Variants in ZKSCAN2 observed in about 807,000 individuals in gnomAD.
ZKSCAN2 encodes zinc finger with KRAB and SCAN domains 2.
A neutral mutation model predicts 90.5 loss-of-function variants in ZKSCAN2; 38 were observed. The observed-to-expected ratio is 0.42, with a 90% CI of 0.32 to 0.55. The LOEUF is 0.55. ZKSCAN2 is among the 20% of genes least tolerant of loss of function. ZKSCAN2 has a pLI of 0.11. For synonymous variants in ZKSCAN2, 429 were observed against 421.6 expected (o/e 1.02, Z -0.22); for missense variants, 1,167 against 1,202.6 (o/e 0.97, Z 0.44).
intron 6 of ZKSCAN2, among the ~76,000 whole-genome samples, chr16:25,243,337 T>C (rs1271296237): frequency 6.6e-6 from 1 of 152,116 alleles, no homozygotes; most frequent in Non-Finnish European, 1.5e-5. Flanking sequence ...ACAGGAACTT[T>C]GTTTTTTTCA....
chr16:25,253,157 T>C, intron 2 of ZKSCAN2, 120 bp from the exon 3 acceptor site: 5 of 809,850 alleles, frequency 6.2e-6, no homozygotes, highest in South Asian at 1.5e-5. Flanking sequence ...CACCATTTTA[T>C]CTGTGAGTTC....
intron 4 of ZKSCAN2, among the ~76,000 whole-genome samples, chr16:25,249,214 A>C (rs1962982403): frequency 6.6e-6 from 1 of 152,230 alleles, no homozygotes; most frequent in African/African-American, 2.4e-5. Context: ...AACTTTAGTA[A>C]TCTATTATAT....
chr16:25,254,303 G>A (rs1963062891), intron 2 of ZKSCAN2, among the ~76,000 whole-genome samples: 1 of 152,238 alleles, frequency 6.6e-6, no homozygotes, highest in Non-Finnish European at 1.5e-5. Context: ...CACACTTCAG[G>A]AGATGGAGAG....
chr16:25,242,176 CT>C (rs1034637641), intron 6 of ZKSCAN2, among the ~76,000 whole-genome samples: 6 of 152,154 alleles, frequency 3.9e-5, no homozygotes, highest in African/African-American at 1.4e-4. Context: ...GTCAGTACTT[CT>C]TTTGAAGTTT....
chr16:25,247,235 C>T lies in ZKSCAN2; in HGVS notation c.961G>A (p.Ala321Thr), dbSNP rs372123893. The part of the protein sequence containing the change: ...VHAIQVPARS[A>T]GKTWREQQQW... ...TGCTGCTCTCTCCATGTTTTTCCTGCACTCCTTGCAGGGACCTGAATAGCA... is the reference window on the plus strand; with the variant it reads ...TGCTGCTCTCTCCATGTTTTTCCTGTACTCCTTGCAGGGACCTGAATAGCA... Residue 321 changes from alanine (A) to threonine (T), a missense_variant, in exon 5 of 7, where the codon GCA becomes ACA. Coordinates refer to ENST00000328086, the MANE Select transcript of ZKSCAN2 (RefSeq NM_001012981.5). The T allele has an allele frequency of 6.8e-5, 109 of 1,614,086 alleles. No homozygotes were observed. The highest frequency in any genetic ancestry group is 9.1e-5 in the Non-Finnish European group (107 of 1,180,036).
chr16:25,240,048 T>C lies in ZKSCAN2; in HGVS notation c.2672A>G (p.Asp891Gly). The C allele has an allele frequency of 6.2e-7, 1 of 1,614,106 alleles. No homozygotes were observed. The highest frequency in any genetic ancestry group is 8.5e-7 in the Non-Finnish European group (1 of 1,180,002). ...ACAGTTATTGAAACTTTTTTCACAG[T>C]CCACACATTTGTAGGGATTCTCCCC... ...HTGENPYKCVDCEKSFNNCTR... is the reference protein window; with the variant it reads ...HTGENPYKCVGCEKSFNNCTR... Residue 891 changes from aspartate (D) to glycine (G), a missense_variant, in exon 7 of 7, where the codon GAC (aspartate) becomes GGC (glycine). Physicochemically the swap from Asp to Gly is moderately conservative, Grantham distance 94. Coordinates refer to ENST00000328086, the MANE Select transcript of ZKSCAN2 (RefSeq NM_001012981.5).
chr16:25,256,926 C>T lies in ZKSCAN2; in HGVS notation c.202G>A (p.Glu68Lys). Residue 68 changes from glutamate to lysine, a missense_variant, in exon 1 of 7, where the codon GAA (glutamate) becomes AAA (lysine). Physicochemically the swap from Glu to Lys is moderately conservative, Grantham distance 56. Coordinates refer to ENST00000328086, the MANE Select transcript of ZKSCAN2 (RefSeq NM_001012981.5). The stretch of plus-strand genomic sequence containing the variant: ...GGCTTCAGCCACCGGCAGCAAAGTT[C>T]CCAGAGTTTACTGAAAGCTTCATGG... The part of the protein sequence containing the change: ...GPHEAFSKLW[E>K]LCCRWLKPEM... 6.2e-7 allele frequency: 1 copy of T among 1,614,232 alleles called. No homozygotes were observed.
intron 4 of ZKSCAN2, among the ~76,000 whole-genome samples, chr16:25,249,770 A>G (rs866083496): frequency 3.0e-4 from 46 of 152,232 alleles, no homozygotes; most frequent in African/African-American, 9.9e-4. Flanking sequence ...AGGTACAGCC[A>G]TTATGGAAAA....
At chr16:25,253,095 G>T in intron 2 of ZKSCAN2, 58 bp from the exon 3 acceptor site, 2 of 1,324,434 alleles carry the variant, frequency 1.5e-6, no homozygotes, top group Non-Finnish European at 2.2e-6. Flanking sequence ...AATTCATGCT[G>T]TCTCTCTTTT....
In ZKSCAN2 at chr16:25,256,776, C is replaced by A. The variant is rs746389645; in HGVS notation, c.352G>T (p.Ala118Ser). ...QCPQSGEEAV[A>S]LVVHLEKETG... The stretch of plus-strand genomic sequence containing the variant: ...TCTTTCTCCAAATGCACTACCAGGG[C>A]CACCGCTTCCTCTCCACTTTGCGGA... The change falls in exon 1 of 7, where the codon GCC becomes TCC. Residue 118 changes from alanine to serine, a missense_variant. Ala to Ser is a moderately conservative substitution (Grantham distance 99). Transcript: ENST00000328086. The A allele has an allele frequency of 8.7e-6, 14 of 1,614,138 alleles. No homozygotes were observed. Among genetic ancestry groups the A allele is most frequent in the Non-Finnish European group, 1.2e-5 (14 of 1,180,006 alleles).
At chr16:25,253,106 T>G in intron 2 of ZKSCAN2, 69 bp from the exon 3 acceptor site, 1 of 1,205,088 alleles carries the variant, frequency 8.3e-7, no homozygotes, top group Non-Finnish European at 1.2e-6. Flanking sequence ...TCTCTCTTTT[T>G]AAGAGATGAG....
Position 25,240,075 on chromosome 16 carries a change from G to T in ZKSCAN2, c.2645C>A (p.Thr882Asn). 6.2e-7 allele frequency: 1 copy of T among 1,614,032 alleles called. No individual in the cohort carries two copies. The highest frequency in any genetic ancestry group is 1.1e-5 in the South Asian group (1 of 91,074). ...SHFSAHRRVH[T>N]GENPYKCVDC... Reference sequence around the variant, plus strand: ...CACACATTTGTAGGGATTCTCCCCAGTGTGAACTCTCCGGTGGGCGCTGAA... The same window carrying T: ...CACACATTTGTAGGGATTCTCCCCATTGTGAACTCTCCGGTGGGCGCTGAA... Residue 882 changes from threonine (T) to asparagine (N), a missense_variant, in exon 7 of 7, where the codon ACT becomes AAT. Transcript: ENST00000328086.
rs753709533 is a variant in ZKSCAN2 at position 25,244,133 on chromosome 16, G to A, written c.1633C>T (p.Arg545Trp). The A allele has an allele frequency of 6.2e-7, 1 of 1,614,130 alleles. No individual in the cohort carries two copies. The highest frequency in any genetic ancestry group is 8.5e-7 in the Non-Finnish European group (1 of 1,180,022). ...AEQLRECGFLRTPEQCRTKFK... is the reference protein window; with the variant it reads ...AEQLRECGFLWTPEQCRTKFK... ...TTGGTTCGGCACTGTTCTGGTGTCC[G>A]GAGGAAGCCGCACTCTCGAAGCTGT... Residue 545 changes from arginine (R) to tryptophan (W), a missense_variant, in exon 6 of 7, where the codon CGG becomes TGG. Arg to Trp is a moderately radical substitution (Grantham distance 101). Transcript: ENST00000328086.
rs1250798140 is a variant in ZKSCAN2, at chr16:25,257,563, C to T, written c.-436G>A. 1 of 963,628 alleles carries T rather than the reference C, an allele frequency of 1.0e-6. No individual in the cohort carries two copies. The highest frequency in any genetic ancestry group is 1.2e-6 in the Non-Finnish European group (1 of 809,944). 59.7% of individuals were successfully genotyped at this position (963,628 alleles called of 1,614,324 possible). A position where few individuals can be genotyped will look rare whatever the true frequency, so the allele number is the denominator to read the frequency against. On this transcript the variant is annotated 5_prime_UTR_variant, in exon 1 of 7. Transcript: ENST00000328086. The stretch of plus-strand genomic sequence containing the variant: ...GAGTGGGTGGGGCCGGATGTGCAGG[C>T]CCCGCCCGGCGCCAGGTTCCGGGCT...
Position 25,236,511 on chromosome 16 carries a change from G to C in ZKSCAN2, c.*3305C>G, listed in dbSNP as rs940927892. The C allele has an allele frequency of 3.3e-5, 5 of 152,218 alleles. No individual in the cohort carries two copies. Among genetic ancestry groups the C allele is most frequent in the African/African-American group, 9.6e-5 (4 of 41,460 alleles). 9.4% of individuals were successfully genotyped at this position (152,218 alleles called of 1,614,324 possible). ...CGCTCCACAGCCTCATGAAACATTA[G>C]AGCCAGAGCAACTTAGCAGTTAAGT... is the stretch of plus-strand genomic sequence containing the variant. On this transcript the variant is annotated 3_prime_UTR_variant, in exon 7 of 7. Coordinates refer to ENST00000328086, the MANE Select transcript of ZKSCAN2 (RefSeq NM_001012981.5).
At position 25,256,771 on chromosome 16, in the gene ZKSCAN2, C is replaced by G. The variant is rs1597648766; in HGVS notation, c.357G>C (p.Leu119=). 14 of 1,614,136 alleles carry G rather than the reference C, an allele frequency of 8.7e-6. No individual in the cohort carries two copies. The highest frequency in any genetic ancestry group is 1.1e-5 in the Non-Finnish European group (13 of 1,180,010). The change falls in exon 1 of 7, where the codon CTG becomes CTC. Residue 119 remains leucine (L), a synonymous_variant. Coordinates refer to ENST00000328086, the MANE Select transcript of ZKSCAN2 (RefSeq NM_001012981.5). ...CAGTCTCTTTCTCCAAATGCACTACCAGGGCCACCGCTTCCTCTCCACTTT... is the reference window on the plus strand; with the variant it reads ...CAGTCTCTTTCTCCAAATGCACTACGAGGGCCACCGCTTCCTCTCCACTTT... ...CPQSGEEAVA[L]VVHLEKETGR... is the part of the protein sequence containing the mutation.
chr16:25,241,158 C>G (rs1331707624), intron 6 of ZKSCAN2, among the ~76,000 whole-genome samples: 2 of 152,230 alleles, frequency 1.3e-5, no homozygotes, highest in African/African-American at 2.4e-5. Context: ...CTCTACATAT[C>G]TAATCATATC....
At chr16:25,255,518 AGTGGAGT>A in intron 1 of ZKSCAN2, 126 bp from the exon 2 acceptor site, 2 of 1,052,112 alleles carry the variant, frequency 1.9e-6, no homozygotes, top group South Asian at 3.1e-5. Context: ...CTCCATTCCC[AGTGGAGT>A]CTCTGAGAGC....
rs1407176576 is a variant in ZKSCAN2, at chr16:25,256,752, C to G, written c.376G>C (p.Glu126Gln). Residue 126 changes from glutamate to glutamine, a missense_variant, in exon 1 of 7, where the codon GAG becomes CAG. Physicochemically the swap from Glu to Gln is conservative, Grantham distance 29 (BLOSUM62 2). Coordinates refer to ENST00000328086, the MANE Select transcript of ZKSCAN2 (RefSeq NM_001012981.5). The stretch of plus-strand genomic sequence containing the variant: ...ACCTGCTGTCTTAGTCTTCCAGTCT[C>G]TTTCTCCAAATGCACTACCAGGGCC... ...AVALVVHLEKETGRLRQQVSS... is the reference protein window; with the variant it reads ...AVALVVHLEKQTGRLRQQVSS... The G allele has an allele frequency of 6.2e-7, 1 of 1,613,330 alleles. No individual in the cohort carries two copies. Among genetic ancestry groups the G allele is most frequent in the East Asian group, 2.2e-5 (1 of 44,900 alleles).
Sources: allele counts gnomAD v4.1 joint callset (sites outside exome capture counted in the v4.1 genomes callset), GRCh38; gene constraint gnomAD v4.1.1; transcripts MANE v1.5; gene names NCBI Gene and HGNC (gene_info 2026-07-23, HGNC 2026-07-21).